ZFP41: variants seen among roughly 807,000 people sequenced by gnomAD.
The protein encoded by ZFP41 is zinc finger protein 41 homolog.
In ZFP41, 10 loss-of-function variants were observed where a neutral mutation model predicts 11.6. The ratio of observed to expected loss-of-function variants is 0.86; its 90% CI spans 0.53 to 1.47. The LOEUF is 1.47. ZFP41 is among the 40% of genes most tolerant of loss of function. The pLI is 0.00. For synonymous variants in ZFP41, 123 were observed against 100.9 expected (o/e 1.22, Z -1.31); for missense variants, 302 against 264.6 (o/e 1.14, Z -0.98).
chr8:143,256,631 G>T (rs939381985), intron 2 of ZFP41, among the ~76,000 whole-genome samples: 1 of 152,212 alleles, frequency 6.6e-6, no homozygotes. Context: ...TAATCCCAGT[G>T]CTTTGGAAGG....
In ZFP41 at chr8:143,249,533, A is replaced by G. The variant is rs972342748; in HGVS notation, c.-154-157A>G. 16 of 254,988 alleles carry G rather than the reference A, an allele frequency of 6.3e-5. No individual in the cohort carries two copies. The Admixed American group carries it at 7.3e-4, about 12-fold the overall frequency. The allele number at this position is 254,988 out of a possible 1,614,324, so 15.8% of individuals were successfully genotyped here. ...CTGATCCCTTCATCGAGACAAGGAA[A>G]GGCCGGGAGAGAGTCAGGTGGGGCT... is the stretch of plus-strand genomic sequence containing the variant. On this transcript the variant is annotated intron_variant, in intron 1 of 2. Coordinates refer to ENST00000330701, the MANE Select transcript of ZFP41 (RefSeq NM_173832.6).
chr8:143,252,479 GC>G (rs1314347963), intron 2 of ZFP41, among the ~76,000 whole-genome samples: 1 of 152,240 alleles, frequency 6.6e-6, no homozygotes, highest in Non-Finnish European at 1.5e-5. Context: ...GGGGGGTTCT[GC>G]TCTCGGGACC....
At chr8:143,249,113 T>C (rs1361057128) in intron 1 of ZFP41, 4 of 152,280 alleles carry the variant, frequency 2.6e-5, no homozygotes, top group Non-Finnish European at 5.9e-5. Context: ...GGGTACGGAA[T>C]ATTATTTCTT....
intron 2 of ZFP41, among the ~76,000 whole-genome samples, chr8:143,255,928 G>T (rs113353926): frequency 3.1e-3 from 274 of 87,134 alleles, no homozygotes; most frequent in Non-Finnish European, 4.8e-3. Context: ...TGAGATCACG[G>T]CTCGCCCCGC....
intron 2 of ZFP41, among the ~76,000 whole-genome samples, chr8:143,255,462 CGCGTCT>C (rs1167653804): frequency 2.7e-5 from 4 of 150,400 alleles, no homozygotes; most frequent in Admixed American, 6.6e-5. Context: ...GGGCTCACCC[CGCGTCT>C]AGTGTTAGTG....
chr8:143,249,198 A>T (rs575103445), intron 1 of ZFP41: 1 of 152,498 alleles, frequency 6.6e-6, no homozygotes. Flanking sequence ...AGGATGTGAC[A>T]TGAGGGGTTC....
intron 2 of ZFP41, among the ~76,000 whole-genome samples, chr8:143,256,709 C>G (rs1455286851): frequency 1.3e-5 from 2 of 152,144 alleles, no homozygotes; most frequent in Admixed American, 1.3e-4. Flanking sequence ...AAGACCCTGT[C>G]TCAAAAATAA....
chr8:143,258,019 T>C (rs1814952635), intron 2 of ZFP41, among the ~76,000 whole-genome samples: 2 of 152,320 alleles, frequency 1.3e-5, no homozygotes, highest in South Asian at 4.1e-4. Context: ...CACATATACA[T>C]GAACAAAGGT....
Position 143,262,081 on chromosome 8 carries a change from C to G in ZFP41, c.*3207C>G, listed in dbSNP as rs73378206. 0.025 allele frequency: 4,722 copies of G among 189,974 alleles called. 257 individuals carry two copies. Among genetic ancestry groups the G allele is most frequent in the African/African-American group, 0.11 (4,491 of 41,156 alleles). The allele number at this position is 189,974 out of a possible 1,614,324, so 11.8% of individuals were successfully genotyped here. A position where few individuals can be genotyped will look rare whatever the true frequency, so the allele number is the denominator to read the frequency against. ...GCCCCTGCCCGCGCCCGCACCTCTGCACCTCCCACGCCCCTCTCCGGCAGC... is the reference window on the plus strand; with the variant it reads ...GCCCCTGCCCGCGCCCGCACCTCTGGACCTCCCACGCCCCTCTCCGGCAGC... On this transcript the variant is annotated 3_prime_UTR_variant, in exon 3 of 3. Transcript: ENST00000330701.
At chr8:143,248,654 T>C (rs946194251) in intron 1 of ZFP41, among the ~76,000 whole-genome samples, 2 of 151,456 alleles carry the variant, frequency 1.3e-5, no homozygotes, top group African/African-American at 4.8e-5. Context: ...TCCAGCCAGC[T>C]TGGGCTGTGA....
rs532430030 is a variant in ZFP41, at chr8:143,251,085, C to G, written c.*645C>G. On this transcript the variant is annotated 3_prime_UTR_variant, in exon 2 of 3. Coordinates refer to ENST00000330701, the MANE Select transcript of ZFP41 (RefSeq NM_173832.6). ...GTGCCAGTCCCTGAGCTCAGACCCCCGTCCCCGGAACTGGGCCACACCACG... is the reference window on the plus strand; with the variant it reads ...GTGCCAGTCCCTGAGCTCAGACCCCGGTCCCCGGAACTGGGCCACACCACG... 1 of 168,240 alleles carries G rather than the reference C, an allele frequency of 5.9e-6. No individual in the cohort carries two copies. Among genetic ancestry groups the G allele is most frequent in the Non-Finnish European group, 1.4e-5 (1 of 68,994 alleles). 10.4% of individuals were successfully genotyped at this position (168,240 alleles called of 1,614,324 possible).
intron 2 of ZFP41, among the ~76,000 whole-genome samples, chr8:143,255,926 C>G (rs1267355703): frequency 0.01 from 270 of 26,078 alleles, no homozygotes; most frequent in South Asian, 0.019. Flanking sequence ...AGTGAGATCA[C>G]GGCTCGCCCC....
At position 143,250,308 on chromosome 8, in the gene ZFP41, C is replaced by T. The variant is rs1563725855; in HGVS notation, c.465C>T (p.Gly155=). ...CGECGKAFNC[G]SNLLKHQKTH... Reference sequence around the variant, plus strand: ...AGTGCGGGAAAGCCTTTAACTGCGGCTCCAATCTCCTGAAACATCAGAAGA... The same window carrying T: ...AGTGCGGGAAAGCCTTTAACTGCGGTTCCAATCTCCTGAAACATCAGAAGA... The change falls in exon 2 of 3, where the codon GGC becomes GGT. Residue 155 remains glycine, a synonymous_variant. Coordinates refer to ENST00000330701, the MANE Select transcript of ZFP41 (RefSeq NM_173832.6). 18 of 1,614,052 alleles carry T rather than the reference C, an allele frequency of 1.1e-5. No homozygotes were observed. The highest frequency in any genetic ancestry group is 1.7e-5 in the Admixed American group (1 of 60,030).
At chr8:143,249,596 G>A in intron 1 of ZFP41, 94 bp from the exon 2 acceptor site, 1 of 479,300 alleles carries the variant, frequency 2.1e-6, no homozygotes, top group East Asian at 3.5e-5. Context: ...ACACTCTTGG[G>A]GGAACACATG....
intron 2 of ZFP41, among the ~76,000 whole-genome samples, chr8:143,251,833 G>A (rs968594132): frequency 6.6e-6 from 1 of 152,210 alleles, no homozygotes; most frequent in African/African-American, 2.4e-5. Context: ...CTTGGAAAGG[G>A]AGCCTTTCGG....
At chr8:143,254,720 C>T (rs1321606526) in intron 2 of ZFP41, among the ~76,000 whole-genome samples, 1 of 150,730 alleles carries the variant, frequency 6.6e-6, no homozygotes, top group African/African-American at 2.4e-5. Context: ...ACAACCTCCA[C>T]CTCCCGCGGT....
In ZFP41 at chr8:143,250,549, G is replaced by T; in HGVS notation, c.*109G>T. The T allele has an allele frequency of 1.3e-6, 2 of 1,508,982 alleles. No homozygotes were observed. Among genetic ancestry groups the T allele is most frequent in the Non-Finnish European group, 8.9e-7 (1 of 1,128,734 alleles). The allele number at this position is 1,508,982 out of a possible 1,614,324, so 93.5% of individuals were successfully genotyped here. A position where few individuals can be genotyped will look rare whatever the true frequency, so the allele number is the denominator to read the frequency against. ...ATGGGGGCGCAGGGCCGTGCGCACT[G>T]TGTTCCGTGCCCTGGGGACCCCCGG... On this transcript the variant is annotated 3_prime_UTR_variant, in exon 2 of 3. Transcript: ENST00000330701.
In ZFP41 at chr8:143,250,757, A is replaced by G. The variant is rs924194397; in HGVS notation, c.*317A>G. ...CAGCACCAGAGACCAGGGAGTATTC[A>G]CTGCCATCCATTGGACGTGTTTGGG... On this transcript the variant is annotated 3_prime_UTR_variant, in exon 2 of 3. Transcript: ENST00000330701. The G allele has an allele frequency of 2.4e-6, 1 of 413,698 alleles. No individual in the cohort carries two copies. Among genetic ancestry groups the G allele is most frequent in the Non-Finnish European group, 4.6e-6 (1 of 217,560 alleles). 25.6% of individuals were successfully genotyped at this position (413,698 alleles called of 1,614,324 possible).
chr8:143,254,969 C>A (rs1414758710), intron 2 of ZFP41, among the ~76,000 whole-genome samples: 2 of 152,172 alleles, frequency 1.3e-5, no homozygotes, highest in Non-Finnish European at 2.9e-5. Flanking sequence ...AATAATGCCA[C>A]AATAAATATC....
Sources: allele counts gnomAD v4.1 joint callset (sites outside exome capture counted in the v4.1 genomes callset), GRCh38; gene constraint gnomAD v4.1.1; transcripts MANE v1.5; gene names NCBI Gene and HGNC (gene_info 2026-07-23, HGNC 2026-07-21).